CEP76: variants seen among roughly 807,000 people sequenced by gnomAD.
CEP76 encodes the protein centrosomal protein 76.
Under a neutral mutation model 83.3 loss-of-function variants are expected in CEP76, and 55 were observed. The ratio of observed to expected loss-of-function variants is 0.66; its 90% CI spans 0.53 to 0.83. The LOEUF (loss-of-function observed/expected upper bound fraction) is 0.83, where lower values mean the gene tolerates loss of function less well. CEP76 is among the 40% of genes least tolerant of loss of function. The pLI, the probability that CEP76 is intolerant of heterozygous loss-of-function variation, is 0.00. For missense variants in CEP76, 694 were observed against 799.5 expected (o/e 0.87, Z 1.59); for synonymous variants, 270 against 274.5 (o/e 0.98, Z 0.16).
At chr18:12,695,392 T>C (rs2039916932) in intron 5 of CEP76, 41 bp from the exon 6 acceptor site, 2 of 955,326 alleles carry the variant, frequency 2.1e-6, no homozygotes, top group South Asian at 1.7e-5. Flanking sequence ...ATTTCAATAC[T>C]ATATATATTT....
intron 10 of CEP76, among the ~76,000 whole-genome samples, chr18:12,675,770 G>A (rs2039104061): frequency 6.6e-6 from 1 of 151,758 alleles, no homozygotes; most frequent in Non-Finnish European, 1.5e-5. Context: ...CCAGGTTCAA[G>A]CGATTCTCCT....
chr18:12,685,898 CTGGGATACAGGCA>C (rs2039522741), intron 8 of CEP76: 1 of 157,808 alleles, frequency 6.3e-6, no homozygotes, highest in South Asian at 1.9e-4. Flanking sequence ...TCCCAAAATG[CTGGGATACAGGCA>C]TGAGCCACTG....
chr18:12,674,110 G>A (rs1465546027), intron 11 of CEP76, among the ~76,000 whole-genome samples: 1 of 151,978 alleles, frequency 6.6e-6, no homozygotes, highest in Non-Finnish European at 1.5e-5. Context: ...CATTGTAAAA[G>A]CTCCCATATG....
At chr18:12,677,250 G>A (rs2144996081) in intron 10 of CEP76, among the ~76,000 whole-genome samples, 1 of 152,046 alleles carries the variant, frequency 6.6e-6, no homozygotes, top group Non-Finnish European at 1.5e-5. Flanking sequence ...GATCAGCCTG[G>A]CCAACATGGT....
chr18:12,673,603 G>A, intron 11 of CEP76, 100 bp from the exon 12 acceptor site: 2 of 947,796 alleles, frequency 2.1e-6, no homozygotes, highest in Non-Finnish European at 3.1e-6. Context: ...TTTCAGGCTA[G>A]GCGTGGTGGC....
At chr18:12,691,286 T>C in intron 7 of CEP76, 73 bp downstream of exon 7, 1 of 934,418 alleles carries the variant, frequency 1.1e-6, no homozygotes, top group Non-Finnish European at 1.6e-6. Flanking sequence ...CAAATAAATA[T>C]TAAATGAAAT....
chr18:12,676,279 CTTTTTT>C (rs1157897766), intron 10 of CEP76, among the ~76,000 whole-genome samples: 3 of 106,430 alleles, frequency 2.8e-5, no homozygotes, highest in East Asian at 5.8e-4. Flanking sequence ...ACAGTAATTC[CTTTTTT>C]TTTTTTTTTT....
intron 3 of CEP76, 121 bp downstream of exon 3, chr18:12,699,709 A>C: frequency 1.7e-6 from 1 of 604,670 alleles, no homozygotes; most frequent in Non-Finnish European, 2.8e-6. Flanking sequence ...GCCAACCATA[A>C]AATTTTAAGT....
At chr18:12,681,693 A>G (rs1048156631) in intron 8 of CEP76, among the ~76,000 whole-genome samples, 4 of 152,114 alleles carry the variant, frequency 2.6e-5, no homozygotes, top group Admixed American at 2.6e-4. Context: ...ATACATACAT[A>G]AGAAAAATGA....
chr18:12,680,080 A>C (rs1454111092), intron 9 of CEP76, among the ~76,000 whole-genome samples: 1 of 152,012 alleles, frequency 6.6e-6, no homozygotes, highest in African/African-American at 2.4e-5. Context: ...AAACTGAAAA[A>C]AAAATATGCT....
chr18:12,680,408 T>A (rs2039303567), intron 9 of CEP76, among the ~76,000 whole-genome samples: 2 of 151,344 alleles, frequency 1.3e-5, no homozygotes, highest in Non-Finnish European at 2.9e-5. Flanking sequence ...CCAGCCTGGC[T>A]AACATGGTGA....
chr18:12,696,439 G>A (rs1482656245), intron 5 of CEP76, among the ~76,000 whole-genome samples: 1 of 152,046 alleles, frequency 6.6e-6, no homozygotes, highest in Non-Finnish European at 1.5e-5. Flanking sequence ...GGAGGCGGGG[G>A]TTGCAGTGAG....
At chr18:12,698,823 G>A in intron 4 of CEP76, 156 bp downstream of exon 4, 1 of 604,606 alleles carries the variant, frequency 1.7e-6, no homozygotes, top group South Asian at 2.3e-5. Context: ...TTGCAAGAAG[G>A]TGGATAGTAG....
At position 12,680,249 on chromosome 18, in the gene CEP76, C is replaced by T. The variant is rs371873492; in HGVS notation, c.1289+413G>A. 3.9e-4 allele frequency among the ~76,000 whole-genome samples: 60 copies of T among 152,230 alleles called. 1 individual carries two copies. The South Asian group carries it at 0.011, about 28-fold the overall frequency. On this transcript the variant is annotated intron_variant, in intron 9 of 11. Coordinates refer to ENST00000262127, the MANE Select transcript of CEP76 (RefSeq NM_024899.4). Reference sequence around the variant, plus strand: ...AAAAGGCTCTAACTAAAATCATCAACACGTACCTTCAAGTACCATCAATAT... The same window carrying T: ...AAAAGGCTCTAACTAAAATCATCAATACGTACCTTCAAGTACCATCAATAT...
intron 7 of CEP76, among the ~76,000 whole-genome samples, chr18:12,689,111 C>T (rs1194931707): frequency 6.6e-6 from 1 of 151,964 alleles, no homozygotes; most frequent in Non-Finnish European, 1.5e-5. Flanking sequence ...CTCTGTCTCA[C>T]AACAACAACA....
Position 12,691,503 on chromosome 18 carries a change from A to T in CEP76, c.805-16T>A, listed in dbSNP as rs2039761174. The T allele has an allele frequency of 1.3e-6, 2 of 1,556,512 alleles. No individual in the cohort carries two copies. The highest frequency in any genetic ancestry group is 8.7e-7 in the Non-Finnish European group (1 of 1,148,616). On this transcript the variant is annotated splice_polypyrimidine_tract_variant and intron_variant, in intron 6 of 11. Coordinates refer to ENST00000262127, the MANE Select transcript of CEP76 (RefSeq NM_024899.4). The stretch of plus-strand genomic sequence containing the variant: ...CCAAAGCAAGCTTGAAATTGAAAAA[A>T]ATATTTTTCAATTTCTATTCATTAT...
At chr18:12,677,738 C>T (rs1277375323) in intron 10 of CEP76, among the ~76,000 whole-genome samples, 1 of 152,118 alleles carries the variant, frequency 6.6e-6, no homozygotes, top group Non-Finnish European at 1.5e-5. Flanking sequence ...GGGTTATAGG[C>T]ATGAGCCATC....
chr18:12,673,324 T>C lies in CEP76; in HGVS notation c.*41A>G. 6.4e-7 allele frequency: 1 copy of C among 1,566,562 alleles called. No individual in the cohort carries two copies. The highest frequency in any genetic ancestry group is 8.6e-7 in the Non-Finnish European group (1 of 1,164,662). On this transcript the variant is annotated 3_prime_UTR_variant, in exon 12 of 12. Coordinates refer to ENST00000262127, the MANE Select transcript of CEP76 (RefSeq NM_024899.4). ...CTAAGTAATGTACAATGTGTAAAAT[T>C]CCAATTAAACACAGGTATAAATCTT...
At chr18:12,669,160 T>C (rs562906831), downstream of CEP76, among the ~76,000 whole-genome samples, 45 of 147,280 alleles carry the variant, frequency 3.1e-4, no homozygotes, top group Admixed American at 1.2e-3. Context: ...TTTCCCAAGC[T>C]GGAGTGCAGT....
Sources: allele counts gnomAD v4.1 joint callset (sites outside exome capture counted in the v4.1 genomes callset), GRCh38; gene constraint gnomAD v4.1.1; transcripts MANE v1.5; gene names NCBI Gene and HGNC (gene_info 2026-07-23, HGNC 2026-07-21).